The following PTPRN2 variants were observed in gnomAD, a reference collection of about 807,000 sequenced individuals.
The protein encoded by PTPRN2 is protein tyrosine phosphatase receptor type N2, also known as receptor-type tyrosine-protein phosphatase N2.
A neutral mutation model predicts 118.8 loss-of-function variants in PTPRN2; 74 were observed. That is an observed-to-expected ratio of 0.62 (90% CI 0.52 to 0.76). The LOEUF is 0.76. PTPRN2 is among the 30% of genes least tolerant of loss of function. The pLI, the probability that PTPRN2 is intolerant of heterozygous loss-of-function variation, is 0.00. For missense variants in PTPRN2, 1,481 were observed against 1,394.4 expected, an observed-to-expected ratio of 1.06 and a Z score of -0.99; for synonymous variants, 641 against 608.0, an observed-to-expected ratio of 1.05 and a Z score of -0.80.
intron 1 of PTPRN2, among the ~76,000 whole-genome samples, chr7:158,500,169 T>TA (rs1822255148): frequency 6.6e-6 from 1 of 152,124 alleles, no homozygotes. Context: ...AATCTGCACT[T>TA]ACAATAATGA....
intron 3 of PTPRN2, among the ~76,000 whole-genome samples, chr7:158,242,811 G>A (rs565904723): frequency 7.9e-5 from 12 of 152,282 alleles, no homozygotes; most frequent in African/African-American, 2.4e-4. Context: ...ATGTCTTGGC[G>A]TATAAATGTC....
chr7:158,139,842 G>A (rs1037758625), intron 6 of PTPRN2, among the ~76,000 whole-genome samples: 5 of 152,176 alleles, frequency 3.3e-5, no homozygotes, highest in African/African-American at 1.2e-4. Context: ...TGCCACATTT[G>A]AAGGGTTGAA....
chr7:157,795,682 C>A (rs1021295237), intron 12 of PTPRN2, among the ~76,000 whole-genome samples: 1 of 152,248 alleles, frequency 6.6e-6, no homozygotes, highest in Non-Finnish European at 1.5e-5. Context: ...AAGGAACTTC[C>A]GCCATGGAGG....
rs112413585 is a variant in PTPRN2 at position 158,083,243 on chromosome 7, C to G, written c.1644-1866G>C. ...ATGATGATTTCTGCCACGGCCTCAC[C>G]CACGCAGGAGGTGATCAATTCATAT... On this transcript the variant is annotated intron_variant, in intron 10 of 22. Transcript: ENST00000389418. 6.9e-3 allele frequency among the ~76,000 whole-genome samples: 1,058 copies of G among 152,238 alleles called. 14 individuals carry two copies. Among genetic ancestry groups the G allele is most frequent in the African/African-American group, 0.017 (720 of 41,550 alleles).
rs1206778388 is a variant in PTPRN2 at position 158,158,608 on chromosome 7, T to C, written c.910+8323A>G. Reference sequence around the variant, plus strand: ...CGCAAGTGCTTTCTGAATGAATGAGTGAACTCGGGAGAATCAGGAGCCCGT... The same window carrying C: ...CGCAAGTGCTTTCTGAATGAATGAGCGAACTCGGGAGAATCAGGAGCCCGT... On this transcript the variant is annotated intron_variant, in intron 6 of 22. Transcript: ENST00000389418. 5.6e-5 allele frequency among the ~76,000 whole-genome samples: 8 copies of C among 144,110 alleles called. No individual in the cohort carries two copies. In the South Asian group the frequency reaches 1.6e-3, roughly 29 times the overall value. The allele number at this position is 144,110 out of a possible 152,430, so 94.5% of individuals were successfully genotyped here.
chr7:158,429,230 A>T (rs1237450515), intron 2 of PTPRN2, among the ~76,000 whole-genome samples: 1 of 152,232 alleles, frequency 6.6e-6, no homozygotes, highest in African/African-American at 2.4e-5. Context: ...ACTGGGAGGC[A>T]GCATCTGAGA....
At chr7:158,337,686 C>A (rs1445757126) in intron 2 of PTPRN2, among the ~76,000 whole-genome samples, 4 of 150,782 alleles carry the variant, frequency 2.7e-5, no homozygotes, top group African/African-American at 9.8e-5. Flanking sequence ...AGACGTCACT[C>A]ACACCCACAC....
At chr7:158,354,631 C>T (rs1808247522) in intron 2 of PTPRN2, among the ~76,000 whole-genome samples, 2 of 151,984 alleles carry the variant, frequency 1.3e-5, no homozygotes, top group South Asian at 4.1e-4. Flanking sequence ...AATACACAAT[C>T]AGAGGAGGAA....
chr7:157,919,143 C>T (rs1218568939), intron 11 of PTPRN2, among the ~76,000 whole-genome samples: 2 of 152,148 alleles, frequency 1.3e-5, no homozygotes, highest in Non-Finnish European at 2.9e-5. Flanking sequence ...TGATCAAGCT[C>T]TATGGTCTAG....
At chr7:158,272,300 T>C (rs1798566683) in intron 3 of PTPRN2, among the ~76,000 whole-genome samples, 2 of 152,222 alleles carry the variant, frequency 1.3e-5, no homozygotes, top group African/African-American at 4.8e-5. Context: ...CTGCCTGGGC[T>C]GTACTTGCTC....
rs536763991 is a variant in PTPRN2 at position 157,747,506 on chromosome 7, G to A, written c.1789-64569C>T. ...ATTCTGAGGCCTGCGTCCCTGAGCT[G>A]TGGGGTGTGCGGGTGATTCTGAGGC... On this transcript the variant is annotated intron_variant, in intron 12 of 22. Transcript: ENST00000389418. 9.2e-4 allele frequency among the ~76,000 whole-genome samples: 100 copies of A among 108,158 alleles called. 5 individuals carry two copies. The highest frequency in any genetic ancestry group is 4.0e-3 in the African/African-American group (98 of 24,260). The allele number at this position is 108,158 out of a possible 152,430, so 71.0% of individuals were successfully genotyped here.
chr7:158,136,611 C>A, intron 8 of PTPRN2, 44 bp downstream of exon 8: 1 of 1,590,682 alleles, frequency 6.3e-7, no homozygotes, highest in South Asian at 1.1e-5. Context: ...AGATCACCAA[C>A]TTCCACATTT....
intron 12 of PTPRN2, among the ~76,000 whole-genome samples, chr7:157,782,426 C>G (rs1803736550): frequency 1.3e-5 from 2 of 152,202 alleles, no homozygotes. Context: ...GGTGAATCAG[C>G]TCTAAGGGTA....
At chr7:158,196,269 T>C (rs1328106400) in intron 4 of PTPRN2, among the ~76,000 whole-genome samples, 2 of 152,218 alleles carry the variant, frequency 1.3e-5, no homozygotes, top group Non-Finnish European at 2.9e-5. Context: ...TTTTATACTC[T>C]GACCTGTGAA....
chr7:158,499,000 G>T (rs1822160519), intron 1 of PTPRN2, among the ~76,000 whole-genome samples: 1 of 152,196 alleles, frequency 6.6e-6, no homozygotes, highest in Admixed American at 6.5e-5. Flanking sequence ...AATTTAAAAG[G>T]TAAACAAGCT....
In PTPRN2 at chr7:158,521,565, T is replaced by TGCTGGCTCGGG. The variant is rs1824013506; in HGVS notation, c.113-31781_113-31780insCCCGAGCCAGC. On this transcript the variant is annotated intron_variant, in intron 1 of 22. Transcript: ENST00000389418. ...GCATCGGAATGGTGGACTGTCCAGG[T>TGCTGGCTCGGG]ACTGGCTCAGGGGGGAGGTCCACGT... Among the ~76,000 whole-genome samples the TGCTGGCTCGGG allele has an allele frequency of 6.0e-5, 9 of 149,514 alleles. 2 individuals are homozygous for TGCTGGCTCGGG. The highest frequency in any genetic ancestry group is 6.6e-5 in the Admixed American group (1 of 15,106).
chr7:158,089,770 A>AG (rs1813900269), intron 10 of PTPRN2, among the ~76,000 whole-genome samples: 1 of 67,938 alleles, frequency 1.5e-5, no homozygotes, highest in South Asian at 6.0e-4. Flanking sequence ...CCTGATGAAA[A>AG]GGGGAATGTT....
intron 2 of PTPRN2, among the ~76,000 whole-genome samples, chr7:158,361,964 TC>T (rs112325717): frequency 1.3e-4 from 19 of 151,132 alleles, no homozygotes; most frequent in Non-Finnish European, 2.5e-4. Flanking sequence ...GCTTCTCTCC[TC>T]CCTTCGTTTC....
chr7:158,200,366 A>C (rs1016602816), intron 4 of PTPRN2, among the ~76,000 whole-genome samples: 4 of 152,352 alleles, frequency 2.6e-5, no homozygotes, highest in Admixed American at 2.6e-4. Context: ...ATGGACGCCG[A>C]GGACGAGCTG....
Sources: gnomAD v4.1 joint callset for allele counts (sites outside exome capture counted in the v4.1 genomes callset) on GRCh38, gnomAD v4.1.1 for gene constraint, MANE v1.5 for transcripts, NCBI Gene and HGNC (gene_info 2026-07-23, HGNC 2026-07-21) for gene names.